Variants in TRIM23 observed in about 807,000 individuals in gnomAD.
TRIM23 encodes the protein tripartite motif containing 23.
TRIM23 carries 27 observed loss-of-function variants against 71.0 expected under a neutral mutation model. The ratio of observed to expected loss-of-function variants is 0.38; its 90% CI spans 0.28 to 0.52. The LOEUF (loss-of-function observed/expected upper bound fraction) is 0.52, where lower values mean the gene tolerates loss of function less well. Ranked by LOEUF, TRIM23 falls within the 20% of genes least tolerant of loss-of-function variation. The pLI, the probability that TRIM23 is intolerant of heterozygous loss-of-function variation, is 0.84. For synonymous variants in TRIM23, 234 were observed against 238.0 expected (o/e 0.98, Z 0.16); for missense variants, 482 against 692.3 (o/e 0.70, Z 3.41).
chr5:65,597,505 T>A (rs2150623312), intron 7 of TRIM23, among the ~76,000 whole-genome samples: 1 of 152,300 alleles, frequency 6.6e-6, no homozygotes, highest in African/African-American at 2.4e-5. Context: ...GGTAAATCAA[T>A]TAAAATGAAA....
At chr5:65,619,967 C>G (rs529986093) in intron 1 of TRIM23, among the ~76,000 whole-genome samples, 6 of 152,088 alleles carry the variant, frequency 3.9e-5, no homozygotes, top group African/African-American at 1.2e-4. Context: ...GCCTGTAAGC[C>G]CAGTTTACTC....
At position 65,618,098 on chromosome 5, in the gene TRIM23, T is replaced by C; in HGVS notation, c.239A>G (p.Asp80Gly). 1 of 1,604,852 alleles carries C rather than the reference T, an allele frequency of 6.2e-7. No homozygotes were observed. Among genetic ancestry groups the C allele is most frequent in the Non-Finnish European group, 8.5e-7 (1 of 1,175,836 alleles). Reference sequence around the variant, plus strand: ...CATACAAATACTTTTCCTACCTAGGTCTGTTACTTGTCGATCAAATGGGCA... The same window carrying C: ...CATACAAATACTTTTCCTACCTAGGCCTGTTACTTGTCGATCAAATGGGCA... ...IRCPFDRQVT[D>G]LGDSGVWGLK... The change falls in exon 2 of 11, where the codon GAC (aspartate) becomes GGC (glycine). Residue 80 changes from aspartate (D) to glycine (G), a missense_variant. This residue lies in a region of TRIM23 where 175 missense variants were observed against 196.5 expected (regional missense o/e 0.89). Transcript: ENST00000231524.
At chr5:65,606,447 C>T (rs1754504920) in intron 6 of TRIM23, among the ~76,000 whole-genome samples, 1 of 147,716 alleles carries the variant, frequency 6.8e-6, no homozygotes, top group Admixed American at 6.8e-5. Context: ...CTGTCCCCAA[C>T]CCACTCCTCC....
At chr5:65,611,162 G>T in intron 4 of TRIM23, 119 bp from the exon 5 acceptor site, 2 of 866,202 alleles carry the variant, frequency 2.3e-6, no homozygotes, top group Non-Finnish European at 3.3e-6. Flanking sequence ...TTATGACACA[G>T]AAAAATACTA....
chr5:65,624,126 C>T (rs967050189), intron 1 of TRIM23, 68 bp downstream of exon 1: 13 of 1,597,062 alleles, frequency 8.1e-6, no homozygotes, highest in South Asian at 2.2e-5. Flanking sequence ...CGCGGCGATG[C>T]CGCCAGGTCT....
In TRIM23 at chr5:65,591,482, G is replaced by C. The variant is rs745386015; in HGVS notation, c.*287C>G. ...GTGACTACCTCTTTCCCAGTATATT[G>C]GTCACATATTATCTGAAAAACTTAA... On this transcript the variant is annotated 3_prime_UTR_variant, in exon 11 of 11. Coordinates refer to ENST00000231524, the MANE Select transcript of TRIM23 (RefSeq NM_001656.4). The C allele has an allele frequency of 4.4e-6, 7 of 1,585,492 alleles. No homozygotes were observed. The highest frequency in any genetic ancestry group is 6.0e-6 in the Non-Finnish European group (7 of 1,167,448).
In TRIM23 at chr5:65,591,233, C is replaced by G; in HGVS notation, c.*536G>C. On this transcript the variant is annotated 3_prime_UTR_variant, in exon 11 of 11. Transcript: ENST00000231524. ...CTTAGCATTAAAGGTGTTCTGTTAA[C>G]TCTGAACATAAACATAAAGTAATCC... The G allele has an allele frequency of 8.0e-7, 1 of 1,257,580 alleles. No homozygotes were observed. The highest frequency in any genetic ancestry group is 1.0e-6 in the Non-Finnish European group (1 of 1,000,864). 77.9% of individuals were successfully genotyped at this position (1,257,580 alleles called of 1,614,324 possible).
At position 65,590,825 on chromosome 5, in the gene TRIM23, T is replaced by C. The variant is rs956324398; in HGVS notation, c.*944A>G. 21 of 985,446 alleles carry C rather than the reference T, an allele frequency of 2.1e-5. No individual in the cohort carries two copies. The highest frequency in any genetic ancestry group is 2.2e-5 in the Non-Finnish European group (18 of 830,056). 61.0% of individuals were successfully genotyped at this position (985,446 alleles called of 1,614,324 possible). On this transcript the variant is annotated 3_prime_UTR_variant, in exon 11 of 11. Coordinates refer to ENST00000231524, the MANE Select transcript of TRIM23 (RefSeq NM_001656.4). ...AGTAATAAGCATTTGCCACTGTACT[T>C]ACAACTTCTCTTGAAGTTCGCTTTC...
chr5:65,597,911 T>A (rs947775677), intron 7 of TRIM23, among the ~76,000 whole-genome samples: 1 of 152,196 alleles, frequency 6.6e-6, no homozygotes, highest in African/African-American at 2.4e-5. Flanking sequence ...AAAATTTACA[T>A]AGGATTCTTG....
At chr5:65,601,013 G>A (rs898688856) in intron 7 of TRIM23, among the ~76,000 whole-genome samples, 4 of 152,242 alleles carry the variant, frequency 2.6e-5, no homozygotes, top group Admixed American at 6.5e-5. Flanking sequence ...AAAATGTGGA[G>A]AAACTGCACC....
chr5:65,608,479 A>G (rs1246613892), intron 6 of TRIM23, among the ~76,000 whole-genome samples: 1 of 152,252 alleles, frequency 6.6e-6, no homozygotes, highest in Non-Finnish European at 1.5e-5. Context: ...CACATATTTA[A>G]GAGAAAAAGC....
At chr5:65,611,480 T>G in intron 4 of TRIM23, 123 bp downstream of exon 4, 1 of 1,033,492 alleles carries the variant, frequency 9.7e-7, no homozygotes, top group Non-Finnish European at 1.4e-6. Context: ...CCAAACCCAA[T>G]CACTCATCAC....
At chr5:65,593,966 T>G (rs992355923) in intron 10 of TRIM23, among the ~76,000 whole-genome samples, 1 of 152,220 alleles carries the variant, frequency 6.6e-6, no homozygotes, top group Admixed American at 6.5e-5. Flanking sequence ...TCCTCCTTGC[T>G]CATAGAATAA....
At position 65,590,235 on chromosome 5, in the gene TRIM23, TTAAA is replaced by T; in HGVS notation, c.*1530_*1533del. ...CACAGTTATTGAAATCAGTCAAATA[TTAAA>T]TAATTTAATTCGGAAGTATTATTTA... is the stretch of plus-strand genomic sequence containing the variant. On this transcript the variant is annotated 3_prime_UTR_variant, in exon 11 of 11. Transcript: ENST00000231524. The T allele has an allele frequency of 2.0e-6, 2 of 1,001,956 alleles. No individual in the cohort carries two copies. The highest frequency in any genetic ancestry group is 3.2e-5 in the South Asian group (2 of 62,312). The allele number at this position is 1,001,956 out of a possible 1,614,324, so 62.1% of individuals were successfully genotyped here.
chr5:65,604,836 A>C (rs1754455320), intron 7 of TRIM23, 75 bp downstream of exon 7: 3 of 1,412,104 alleles, frequency 2.1e-6, no homozygotes, highest in African/African-American at 1.4e-5. Context: ...TGTCTCTTTA[A>C]GGTGATTATC....
At chr5:65,618,571 G>A (rs910254083) in intron 1 of TRIM23, among the ~76,000 whole-genome samples, 3 of 152,120 alleles carry the variant, frequency 2.0e-5, no homozygotes, top group African/African-American at 7.2e-5. Context: ...CAAACAATAT[G>A]TAATTCTACT....
intron 1 of TRIM23, 61 bp from the exon 2 acceptor site, chr5:65,618,316 G>A (rs1349190700): frequency 9.6e-6 from 14 of 1,456,840 alleles, no homozygotes; most frequent in Non-Finnish European, 1.3e-5. Context: ...CATATTTTAG[G>A]TATATAAGAA....
chr5:65,596,596 C>G, intron 8 of TRIM23, 65 bp from the exon 9 acceptor site: 3 of 938,710 alleles, frequency 3.2e-6, no homozygotes, highest in Non-Finnish European at 5.0e-6. Flanking sequence ...ATATCAAACA[C>G]AGACAACCCC....
rs1462380432 is a variant in TRIM23 at position 65,590,288 on chromosome 5, A to G, written c.*1481T>C. The stretch of plus-strand genomic sequence containing the variant: ...TATGCACACAAACTACACCTGTAAC[A>G]GCATGACCTTTTACCTGAAAAATAA... On this transcript the variant is annotated 3_prime_UTR_variant, in exon 11 of 11. Transcript: ENST00000231524. 7.3e-7 allele frequency: 1 copy of G among 1,362,012 alleles called. No homozygotes were observed. Among genetic ancestry groups the G allele is most frequent in the South Asian group, 1.3e-5 (1 of 76,082 alleles). 84.4% of individuals were successfully genotyped at this position (1,362,012 alleles called of 1,614,324 possible).
Sources: gnomAD v4.1 joint callset for allele counts (sites outside exome capture counted in the v4.1 genomes callset) on GRCh38, gnomAD v4.1.1 for gene constraint, gnomAD v4.1.1 regional missense constraint, MANE v1.5 for transcripts, NCBI Gene and HGNC (gene_info 2026-07-23, HGNC 2026-07-21) for gene names.